The following EYS variants were observed in gnomAD, a reference collection of about 807,000 sequenced individuals.
EYS encodes the protein protein eyes shut homolog.
A neutral mutation model predicts 282.1 loss-of-function variants in EYS; 250 were observed. That is an observed-to-expected ratio of 0.89 (90% CI 0.80 to 0.98). The LOEUF is 0.98. Among genes scored for constraint, EYS ranks in the 50% least tolerant of loss-of-function variants. EYS has a pLI of 0.00. For missense variants in EYS, 4,016 were observed against 3,709.0 expected, an observed-to-expected ratio of 1.08 and a Z score of -2.15; for synonymous variants, 1,355 against 1,282.9, an observed-to-expected ratio of 1.06 and a Z score of -1.20.
chr6:64,567,586 A>G (rs1050463200), intron 26 of EYS, among the ~76,000 whole-genome samples: 2 of 152,228 alleles, frequency 1.3e-5, no homozygotes, highest in African/African-American at 4.8e-5. Context: ...GTAGCACAAT[A>G]TGCTTACACC....
intron 29 of EYS, among the ~76,000 whole-genome samples, chr6:64,343,797 G>T (rs1268905938): frequency 6.6e-6 from 1 of 151,960 alleles, no homozygotes; most frequent in Non-Finnish European, 1.5e-5. Flanking sequence ...CAACAAAATT[G>T]ATAGACTGCT....
intron 33 of EYS, among the ~76,000 whole-genome samples, chr6:64,003,576 T>C (rs1293621536): frequency 6.6e-6 from 1 of 152,196 alleles, no homozygotes; most frequent in East Asian, 1.9e-4. Flanking sequence ...ACATCCACTA[T>C]GGACCCACAA....
intron 5 of EYS, among the ~76,000 whole-genome samples, chr6:65,442,053 C>T (rs1192411513): frequency 6.6e-6 from 1 of 151,990 alleles, no homozygotes; most frequent in Non-Finnish European, 1.5e-5. Flanking sequence ...TTATTTACTT[C>T]ATACACCCCG....
intron 6 of EYS, among the ~76,000 whole-genome samples, 171 bp downstream of exon 6, chr6:65,405,003 T>A (rs1331951843): frequency 6.6e-6 from 1 of 151,954 alleles, no homozygotes; most frequent in African/African-American, 2.4e-5. Flanking sequence ...AAGAGCAAAG[T>A]TTTTTCCTAT....
intron 12 of EYS, among the ~76,000 whole-genome samples, chr6:65,093,508 G>T (rs73765760): frequency 6.6e-6 from 1 of 151,814 alleles, no homozygotes; most frequent in South Asian, 2.1e-4. Context: ...ATAAGATAAA[G>T]TACATGCATG....
chr6:65,139,641 G>A (rs1162629170), intron 12 of EYS, among the ~76,000 whole-genome samples: 1 of 151,974 alleles, frequency 6.6e-6, no homozygotes, highest in Non-Finnish European at 1.5e-5. Context: ...ATGTTGAGTG[G>A]GAAACTAGAC....
chr6:65,142,815 A>T (rs1307633421), intron 12 of EYS, among the ~76,000 whole-genome samples: 1 of 152,020 alleles, frequency 6.6e-6, no homozygotes, highest in African/African-American at 2.4e-5. Flanking sequence ...TATGGAGGCT[A>T]GAAGATAGTG....
At chr6:64,810,004 C>CA (rs1409938953) in intron 22 of EYS, among the ~76,000 whole-genome samples, 3 of 151,816 alleles carry the variant, frequency 2.0e-5, no homozygotes, top group Admixed American at 6.6e-5. Context: ...AAAAAGGAAG[C>CA]AAAAAAATTC....
At chr6:65,619,195 T>A (rs1419498770) in intron 2 of EYS, among the ~76,000 whole-genome samples, 1 of 151,782 alleles carries the variant, frequency 6.6e-6, no homozygotes, top group African/African-American at 2.4e-5. Context: ...GCATGGAATG[T>A]TCTTCCATTT....
intron 7 of EYS, among the ~76,000 whole-genome samples, chr6:65,392,597 A>C (rs541114982): frequency 3.1e-4 from 47 of 152,302 alleles, no homozygotes; most frequent in Non-Finnish European, 5.9e-4. Context: ...GCCATCAGAG[A>C]AATGCAAATC....
intron 22 of EYS, among the ~76,000 whole-genome samples, chr6:64,724,808 T>C (rs1022946882): frequency 3.9e-5 from 6 of 152,084 alleles, no homozygotes; most frequent in African/African-American, 1.4e-4. Context: ...AACAAATAGG[T>C]AACATTCTAA....
At chr6:65,182,318 T>C (rs867961789) in intron 12 of EYS, among the ~76,000 whole-genome samples, 4 of 151,590 alleles carry the variant, frequency 2.6e-5, no homozygotes, top group South Asian at 4.1e-4. Context: ...TTGAACACAA[T>C]AGGCTATTAA....
chr6:64,720,082 T>C (rs1771526480), intron 22 of EYS, among the ~76,000 whole-genome samples: 2 of 152,168 alleles, frequency 1.3e-5, no homozygotes, highest in African/African-American at 2.4e-5. Flanking sequence ...TGGGTCTCAC[T>C]GGTATAAAGT....
chr6:64,852,380 T>G (rs950751641), intron 19 of EYS, among the ~76,000 whole-genome samples: 5 of 152,130 alleles, frequency 3.3e-5, no homozygotes, highest in African/African-American at 1.2e-4. Flanking sequence ...AGCCTACATC[T>G]TTCTCACATG....
intron 5 of EYS, among the ~76,000 whole-genome samples, chr6:65,445,864 CTA>C (rs1768632946): frequency 6.6e-6 from 1 of 151,640 alleles, no homozygotes; most frequent in Admixed American, 6.6e-5. Flanking sequence ...AATTCCTAAA[CTA>C]TTTGTTTCCA....
chr6:65,297,047 C>A (rs1354465039), intron 11 of EYS, among the ~76,000 whole-genome samples: 2 of 151,484 alleles, frequency 1.3e-5, no homozygotes, highest in African/African-American at 2.4e-5. Flanking sequence ...ATACATTGAA[C>A]AACTTTTCTT....
At chr6:64,065,008 C>A (rs1328493847) in intron 33 of EYS, among the ~76,000 whole-genome samples, 1 of 152,086 alleles carries the variant, frequency 6.6e-6, no homozygotes, top group African/African-American at 2.4e-5. Flanking sequence ...ATTTCATTAC[C>A]TTAGAGTAAT....
chr6:65,112,978 A>G (rs1196464993), intron 12 of EYS, among the ~76,000 whole-genome samples: 1 of 152,124 alleles, frequency 6.6e-6, no homozygotes, highest in East Asian at 1.9e-4. Context: ...TACACCTTCT[A>G]AATTGGTGAA....
chr6:64,333,732 C>A (rs751916039), intron 29 of EYS, among the ~76,000 whole-genome samples: 1 of 152,158 alleles, frequency 6.6e-6, no homozygotes, highest in South Asian at 2.1e-4. Flanking sequence ...CCCAATGCAA[C>A]AGTTTAGGTT....
Sources: allele counts gnomAD v4.1 joint callset (sites outside exome capture counted in the v4.1 genomes callset), GRCh38; gene constraint gnomAD v4.1.1; transcripts MANE v1.5; gene names NCBI Gene and HGNC (gene_info 2026-07-23, HGNC 2026-07-21).